SNRNP70: variants seen among roughly 807,000 people sequenced by gnomAD.
The protein encoded by SNRNP70 is U1 small nuclear ribonucleoprotein 70 kDa.
A neutral mutation model predicts 50.5 loss-of-function variants in SNRNP70; 8 were observed. The observed-to-expected ratio is 0.16, with a 90% CI of 0.09 to 0.29. SNRNP70 has a LOEUF of 0.29. Among genes scored for constraint, SNRNP70 ranks in the 10% least tolerant of loss-of-function variants. The probability of loss-of-function intolerance (pLI) is 1.00; values close to 1 mark genes in which losing one functional copy is unlikely to be tolerated. For missense variants in SNRNP70, 529 were observed against 663.5 expected, an observed-to-expected ratio of 0.80 and a Z score of 2.23; for synonymous variants, 320 against 252.9, an observed-to-expected ratio of 1.27 and a Z score of -2.52.
intron 7 of SNRNP70, 53 bp downstream of exon 7, chr19:49,101,524 GC>G: frequency 7.8e-7 from 1 of 1,288,188 alleles, no homozygotes. Flanking sequence ...CTTCTCTGCT[GC>G]CCCAGCCCCT....
chr19:49,105,014 A>G (rs1257858901), intron 8 of SNRNP70, among the ~76,000 whole-genome samples: 3 of 152,028 alleles, frequency 2.0e-5, no homozygotes, highest in Non-Finnish European at 4.4e-5. Context: ...TTCCTGCCTC[A>G]TTGTACTCCT....
rs1180269212 is a variant in SNRNP70, at chr19:49,085,589, C to A, written c.-58C>A. The A allele has an allele frequency of 1.5e-5, 7 of 455,956 alleles. No individual in the cohort carries two copies. Among genetic ancestry groups the A allele is most frequent in the African/African-American group, 1.4e-4 (7 of 50,080 alleles). The allele number at this position is 455,956 out of a possible 1,614,324, so 28.2% of individuals were successfully genotyped here. The stretch of plus-strand genomic sequence containing the variant: ...TGTTGTTGCTGAGGGGCTGCCGCAG[C>A]CGCCGCGAGCCTCCGGACAGACGCC... On this transcript the variant is annotated 5_prime_UTR_variant, in exon 1 of 10. Coordinates refer to ENST00000598441, the MANE Select transcript of SNRNP70 (RefSeq NM_003089.6).
In SNRNP70 at chr19:49,098,635, C is replaced by T. The variant is rs759591841; in HGVS notation, c.331-7C>T. On this transcript the variant is annotated splice_region_variant and splice_polypyrimidine_tract_variant and intron_variant, in intron 5 of 9. Transcript: ENST00000598441. The stretch of plus-strand genomic sequence containing the variant: ...TCCCATTTAACGTCATATCCATCTC[C>T]TTGTAGAATTATGACACAACAGAAT... 6 of 1,613,482 alleles carry T rather than the reference C, an allele frequency of 3.7e-6. No individual in the cohort carries two copies. The highest frequency in any genetic ancestry group is 5.1e-6 in the Non-Finnish European group (6 of 1,179,436).
intron 8 of SNRNP70, among the ~76,000 whole-genome samples, chr19:49,106,509 T>C (rs989331597): frequency 3.3e-5 from 5 of 152,230 alleles, no homozygotes; most frequent in Non-Finnish European, 7.3e-5. Flanking sequence ...CTAGTCTAGC[T>C]GCCCTGTGCC....
At chr19:49,093,679 AAAAAAAAAAAAAAC>A (rs1422922736) in intron 4 of SNRNP70, among the ~76,000 whole-genome samples, 4 of 63,550 alleles carry the variant, frequency 6.3e-5, no homozygotes, top group East Asian at 2.7e-4. Context: ...ATTCCATCTC[AAAAAAAAAAAAAAC>A]AAAAAAAAAA....
At position 49,090,338 on chromosome 19, in the gene SNRNP70, G is replaced by A. The variant is rs1263761451; in HGVS notation, c.195G>A (p.Glu65=). The A allele has an allele frequency of 6.2e-7, 1 of 1,613,924 alleles. No homozygotes were observed. Among genetic ancestry groups the A allele is most frequent in the Admixed American group, 1.7e-5 (1 of 59,968 alleles). ...CAACTCGTGCTGAAACCCGAGAGGA[G>A]CGCATGGAGAGGAAAGTATGTCATT... ...PPPTRAETRE[E]RMERKRREKI... is the part of the protein sequence containing the mutation. The change falls in exon 3 of 10, where the codon GAG becomes GAA. Residue 65 remains glutamate, a synonymous_variant. Transcript: ENST00000598441.
chr19:49,095,392 CATT>C (rs1364130348), intron 4 of SNRNP70, among the ~76,000 whole-genome samples: 1 of 152,252 alleles, frequency 6.6e-6, no homozygotes, highest in African/African-American at 2.4e-5. Flanking sequence ...TTCAGCTCTT[CATT>C]AAATGTTAGC....
chr19:49,103,570 C>G (rs2040620207), intron 7 of SNRNP70: 1 of 152,106 alleles, frequency 6.6e-6, no homozygotes, highest in African/African-American at 2.4e-5. Context: ...GGTTTGGACA[C>G]CCGCAAGGCC....
intron 4 of SNRNP70, 33 bp downstream of exon 4, chr19:49,090,553 T>C (rs748493078): frequency 1.2e-6 from 2 of 1,604,146 alleles, no homozygotes; most frequent in African/African-American, 2.7e-5. Context: ...GGCTCTCTCC[T>C]CTCCCAAACC....
Position 49,104,524 on chromosome 19 carries a change from T to G in SNRNP70, c.476-110T>G. The G allele has an allele frequency of 3.7e-6, 3 of 808,562 alleles. No individual in the cohort carries two copies. The highest frequency in any genetic ancestry group is 6.2e-6 in the Non-Finnish European group (3 of 482,376). 50.1% of individuals were successfully genotyped at this position (808,562 alleles called of 1,614,324 possible). On this transcript the variant is annotated intron_variant, in intron 7 of 9. Transcript: ENST00000598441. The surrounding 1 kb of genome is among the most constrained non-coding windows in gnomAD (Gnocchi z 5.4). ...CCTGGCTGTCTGTTGGGCGTGTGCG[T>G]GTGCGTGATGATGGGGACACGGGGC...
intron 7 of SNRNP70, chr19:49,103,711 C>G (rs2040622736): frequency 6.6e-6 from 1 of 152,312 alleles, no homozygotes; most frequent in African/African-American, 2.4e-5. Flanking sequence ...GGAACGGGGA[C>G]TTTTTGGCCT....
At chr19:49,096,427 C>T (rs1036268657) in intron 4 of SNRNP70, among the ~76,000 whole-genome samples, 3 of 152,108 alleles carry the variant, frequency 2.0e-5, no homozygotes, top group African/African-American at 7.2e-5. Flanking sequence ...TCCATTTGTC[C>T]CAGATAGCGA....
chr19:49,101,665 C>T, intron 7 of SNRNP70, 194 bp downstream of exon 7: 1 of 593,556 alleles, frequency 1.7e-6, no homozygotes, highest in Non-Finnish European at 3.0e-6. Context: ...ACCAAATCCC[C>T]CACAACGTGT....
chr19:49,095,035 C>T (rs760360307), intron 4 of SNRNP70, among the ~76,000 whole-genome samples: 2 of 152,254 alleles, frequency 1.3e-5, no homozygotes, highest in Non-Finnish European at 2.9e-5. Flanking sequence ...TGCACGCATA[C>T]GCTGGCTGTG....
At chr19:49,091,478 G>C (rs1336963294) in intron 4 of SNRNP70, among the ~76,000 whole-genome samples, 2 of 152,100 alleles carry the variant, frequency 1.3e-5, no homozygotes, top group African/African-American at 4.8e-5. Context: ...TGTAGTATTT[G>C]GTGTAGTAAC....
rs577991694 is a variant in SNRNP70 at position 49,108,548 on chromosome 19, A to G, written c.*105A>G. ...CCACTTGAGTTTGTCCTCCAAGGGT[A>G]GGTGTCTCATTTGTTCTGGCCCCTT... On this transcript the variant is annotated 3_prime_UTR_variant, in exon 10 of 10. Transcript: ENST00000598441. 4.8e-5 allele frequency: 68 copies of G among 1,405,106 alleles called. No individual in the cohort carries two copies. The African/African-American group carries it at 8.4e-4, about 17-fold the overall frequency. 87.0% of individuals were successfully genotyped at this position (1,405,106 alleles called of 1,614,324 possible). A position where few individuals can be genotyped will look rare whatever the true frequency, so the allele number is the denominator to read the frequency against.
intron 8 of SNRNP70, among the ~76,000 whole-genome samples, chr19:49,105,935 C>G (rs923806589): frequency 1.2e-4 from 19 of 152,198 alleles, no homozygotes; most frequent in African/African-American, 4.6e-4. Context: ...ATTTGATTGA[C>G]TCAGTGTTGG....
chr19:49,094,612 TG>T lies in SNRNP70; in HGVS notation c.266-3814del. 1.3e-5 allele frequency among the ~76,000 whole-genome samples: 2 copies of T among 152,310 alleles called. 1 individual carries two copies. The highest frequency in any genetic ancestry group is 1.3e-4 in the Admixed American group (2 of 15,298). On this transcript the variant is annotated intron_variant, in intron 4 of 9. Coordinates refer to ENST00000598441, the MANE Select transcript of SNRNP70 (RefSeq NM_003089.6). ...TACTGCTCTGCCTCCATTAAATGCT[TG>T]AACTTCTCCATAATAGAAAAGAAAT...
At chr19:49,099,251 T>C (rs1252155499) in intron 6 of SNRNP70, among the ~76,000 whole-genome samples, 2 of 152,176 alleles carry the variant, frequency 1.3e-5, no homozygotes, top group African/African-American at 4.8e-5. Context: ...TAGCCATGTC[T>C]CTTCTCCCTG....
Sources: gnomAD v4.1 joint callset for allele counts (sites outside exome capture counted in the v4.1 genomes callset) on GRCh38, gnomAD v4.1.1 for gene constraint, Gnocchi (gnomAD v3.1) non-coding constraint, MANE v1.5 for transcripts, NCBI Gene and HGNC (gene_info 2026-07-23, HGNC 2026-07-21) for gene names.